Variants in HPS5 observed in about 807,000 individuals in gnomAD.
The protein encoded by HPS5 is HPS5 biogenesis of lysosomal organelles complex 2 subunit 2.
HPS5 carries 83 observed loss-of-function variants against 128.0 expected under a neutral mutation model. The observed-to-expected ratio is 0.65, with a 90% CI of 0.54 to 0.78. HPS5 has a LOEUF of 0.78. Among genes scored for constraint, HPS5 ranks in the 30% least tolerant of loss-of-function variants. The pLI is 0.00. For synonymous variants in HPS5, 475 were observed against 470.2 expected (o/e 1.01, Z -0.13); for missense variants, 1,281 against 1,326.2 (o/e 0.97, Z 0.53).
At chr11:18,303,606 A>G (rs1861988014) in intron 8 of HPS5, among the ~76,000 whole-genome samples, 1 of 152,192 alleles carries the variant, frequency 6.6e-6, no homozygotes, top group Non-Finnish European at 1.5e-5. Context: ...ATTCTTGGGT[A>G]CTTTGGGAAG....
intron 3 of HPS5, 186 bp from the exon 4 acceptor site, chr11:18,311,637 A>G: frequency 1.8e-6 from 1 of 547,512 alleles, no homozygotes; most frequent in Non-Finnish European, 3.3e-6. Context: ...CCGCCTCCCA[A>G]GTAGCTGGGA....
chr11:18,291,208 C>CA (rs1190577631), intron 16 of HPS5, among the ~76,000 whole-genome samples: 3 of 151,114 alleles, frequency 2.0e-5, no homozygotes, highest in Non-Finnish European at 2.9e-5. Flanking sequence ...AACTCTGTCT[C>CA]AAAAAAAATA....
chr11:18,317,959 A>C, intron 1 of HPS5, 52 bp from the exon 2 acceptor site: 1 of 1,331,074 alleles, frequency 7.5e-7, no homozygotes, highest in Non-Finnish European at 1.1e-6. Context: ...TTCATTTAAC[A>C]TGCATTTAAC....
intron 8 of HPS5, among the ~76,000 whole-genome samples, chr11:18,304,530 A>G (rs577841314): frequency 1.3e-5 from 2 of 152,286 alleles, no homozygotes; most frequent in South Asian, 4.1e-4. Flanking sequence ...TCACTTTTAA[A>G]TACTTCAGTG....
chr11:18,300,565 T>C (rs933422779), intron 9 of HPS5, among the ~76,000 whole-genome samples: 1 of 151,752 alleles, frequency 6.6e-6, no homozygotes, highest in Non-Finnish European at 1.5e-5. Flanking sequence ...GGTGTGGTGG[T>C]GCGTGCCTGT....
At chr11:18,283,064 C>T (rs1191418676) in intron 21 of HPS5, among the ~76,000 whole-genome samples, 2 of 152,214 alleles carry the variant, frequency 1.3e-5, no homozygotes, top group East Asian at 1.9e-4. Context: ...TGCAGTGGTG[C>T]GATCTCAGCT....
At position 18,308,800 on chromosome 11, in the gene HPS5, AG is replaced by A. The variant is rs546234691; in HGVS notation, c.611+145del. On this transcript the variant is annotated intron_variant, in intron 6 of 22. Coordinates refer to ENST00000349215, the MANE Select transcript of HPS5 (RefSeq NM_181507.2). ...CACTGCACTCCAGCCTGAGTGACAGAGTGAGACCCCATCTCAAAAAAAGAAA... is the reference window on the plus strand; with the variant it reads ...CACTGCACTCCAGCCTGAGTGACAGATGAGACCCCATCTCAAAAAAAGAAA... 5.2e-4 allele frequency: 380 copies of A among 733,014 alleles called. 2 individuals are homozygous for A. In the East Asian group the frequency reaches 0.011, roughly 20 times the overall value. The allele number at this position is 733,014 out of a possible 1,614,324, so 45.4% of individuals were successfully genotyped here.
At chr11:18,285,916 G>A (rs928899670) in intron 19 of HPS5, among the ~76,000 whole-genome samples, 4 of 152,112 alleles carry the variant, frequency 2.6e-5, no homozygotes, top group Non-Finnish European at 4.4e-5. Context: ...ACATTTTTAG[G>A]AAGAAAACAC....
Position 18,313,103 on chromosome 11 carries a change from G to A in HPS5, c.109-1079C>T, listed in dbSNP as rs139783345. The stretch of plus-strand genomic sequence containing the variant: ...TAAAAATGAAATTACTTTGGTACTG[G>A]TTATGAAACTTTGTTTTTTACCACA... On this transcript the variant is annotated intron_variant, in intron 2 of 22. Transcript: ENST00000349215. Among the ~76,000 whole-genome samples, 25 of 152,286 alleles carry A rather than the reference G, an allele frequency of 1.6e-4. No individual in the cohort carries two copies. In the East Asian group the frequency reaches 3.7e-3, roughly 22 times the overall value.
chr11:18,290,161 A>G (rs556028868), intron 16 of HPS5, among the ~76,000 whole-genome samples: 1 of 152,288 alleles, frequency 6.6e-6, no homozygotes, highest in Admixed American at 6.5e-5. Flanking sequence ...ACATGACCAC[A>G]TCCCTTAAGG....
chr11:18,309,506 T>C (rs1027564867), intron 5 of HPS5, among the ~76,000 whole-genome samples: 11 of 152,118 alleles, frequency 7.2e-5, no homozygotes, highest in Admixed American at 3.9e-4. Flanking sequence ...GAAGAACCTG[T>C]CTCTAGATAA....
intron 8 of HPS5, among the ~76,000 whole-genome samples, chr11:18,304,431 G>C (rs1055859093): frequency 6.6e-6 from 1 of 152,108 alleles, no homozygotes; most frequent in Non-Finnish European, 1.5e-5. Context: ...TGATAGGCTA[G>C]TCTTGAACTC....
At chr11:18,288,512 G>A (rs10741738) in intron 16 of HPS5, among the ~76,000 whole-genome samples, 151,729 of 152,296 alleles carry the variant, frequency 1, 75,586 homozygotes, top group Middle Eastern at 1. Context: ...CTGAAGAACA[G>A]AAGATTTGAC....
intron 6 of HPS5, among the ~76,000 whole-genome samples, chr11:18,307,747 A>C (rs555876658): frequency 4.6e-4 from 70 of 151,968 alleles, no homozygotes; most frequent in African/African-American, 1.6e-3. Flanking sequence ...AAAACAAAGA[A>C]ACAAAAAAAA....
Position 18,292,122 on chromosome 11 carries a change from T to G in HPS5, c.1863-103A>C, listed in dbSNP as rs990875319. ...ACCTAACCAATGTAACATACTCATC[T>G]GGAATAAACGTTACTTTTCAACTCT... is the stretch of plus-strand genomic sequence containing the variant. On this transcript the variant is annotated intron_variant, in intron 15 of 22. Coordinates refer to ENST00000349215, the MANE Select transcript of HPS5 (RefSeq NM_181507.2). 3.6e-6 allele frequency: 3 copies of G among 830,212 alleles called. No individual in the cohort carries two copies. In the African/African-American group the frequency reaches 5.1e-5, roughly 14 times the overall value. The allele number at this position is 830,212 out of a possible 1,614,324, so 51.4% of individuals were successfully genotyped here.
rs370679561 is a variant in HPS5, at chr11:18,286,541, C to CA, written c.2837+49dup. 87,090 of 948,140 alleles carry CA rather than the reference C, an allele frequency of 0.092. 191 individuals carry two copies. Among genetic ancestry groups the CA allele is most frequent in the African/African-American group, 0.12 (7,533 of 60,686 alleles). 58.7% of individuals were successfully genotyped at this position (948,140 alleles called of 1,614,324 possible). ...TAGGCGACAGAGTGAGATCCTGTCT[C>CA]AAAAAAAAAAAGTAAAGAAAAAAAC... On this transcript the variant is annotated intron_variant, in intron 19 of 22. Transcript: ENST00000349215.
chr11:18,318,712 C>A (rs537550789), intron 1 of HPS5, among the ~76,000 whole-genome samples: 12 of 152,258 alleles, frequency 7.9e-5, no homozygotes, highest in Admixed American at 6.5e-4. Flanking sequence ...TTGTTACCTG[C>A]CAAATTTAGA....
Position 18,305,493 on chromosome 11 carries a change from T to C in HPS5, c.825A>G (p.Arg275=), listed in dbSNP as rs768411656. ...SLPPLPVITL[R]SEPQYDHTAG... is the part of the protein sequence containing the mutation. ...CTGTATGATCATACTGAGGTTCTGA[T>C]CTAGAAAGTAAACACATCTGTTAAT... Residue 275 remains arginine (R), a splice_region_variant and synonymous_variant, in exon 8 of 23, where the codon AGA becomes AGG. Transcript: ENST00000349215. The C allele has an allele frequency of 1.0e-5, 16 of 1,599,512 alleles. No individual in the cohort carries two copies. The East Asian group carries it at 3.4e-4, about 34-fold the overall frequency.
chr11:18,282,204 G>A lies in HPS5; in HGVS notation c.3075C>T (p.Thr1025=), dbSNP rs749699416. ...GAAGGAGAAGCTTCCATTCCTCCAC[G>A]GTCTCTGGGATCCAACCTAAACACA... The part of the protein sequence containing the change: ...MEGDNGWIPE[T]VEEWKLLLHL... Residue 1025 remains threonine (T), a synonymous_variant, in exon 22 of 23, where the codon ACC becomes ACT. Transcript: ENST00000349215. The A allele has an allele frequency of 2.8e-5, 45 of 1,613,930 alleles. No individual in the cohort carries two copies. The highest frequency in any genetic ancestry group is 5.5e-5 in the South Asian group (5 of 91,088).
Sources: allele counts gnomAD v4.1 joint callset (sites outside exome capture counted in the v4.1 genomes callset), GRCh38; gene constraint gnomAD v4.1.1; transcripts MANE v1.5; gene names NCBI Gene and HGNC (gene_info 2026-07-23, HGNC 2026-07-21).